Variants in TTC27 observed in about 807,000 individuals in gnomAD.
TTC27 encodes the protein tetratricopeptide repeat protein 27.
Under a neutral mutation model 115.9 loss-of-function variants are expected in TTC27, and 79 were observed. The observed-to-expected ratio is 0.68, with a 90% CI of 0.57 to 0.82. The LOEUF (loss-of-function observed/expected upper bound fraction) is 0.82, where lower values mean the gene tolerates loss of function less well. Among genes scored for constraint, TTC27 ranks in the 40% least tolerant of loss-of-function variants. The pLI, the probability that TTC27 is intolerant of heterozygous loss-of-function variation, is 0.00. For missense variants in TTC27, 1,054 were observed against 993.1 expected (o/e 1.06, Z -0.82); for synonymous variants, 401 against 356.0 (o/e 1.13, Z -1.42).
intron 10 of TTC27, among the ~76,000 whole-genome samples, chr2:32,710,235 C>G (rs1020462079): frequency 2.0e-5 from 3 of 151,958 alleles, no homozygotes; most frequent in African/African-American, 7.3e-5. Flanking sequence ...TAGTTTTGGC[C>G]TTCTTAATAG....
intron 5 of TTC27, among the ~76,000 whole-genome samples, chr2:32,651,467 C>T (rs1208933474): frequency 6.6e-6 from 1 of 152,206 alleles, no homozygotes; most frequent in Non-Finnish European, 1.5e-5. Context: ...CTGCCTCAGC[C>T]TCCTGAGTAG....
At chr2:32,809,020 A>G (rs1002508902) in intron 16 of TTC27, among the ~76,000 whole-genome samples, 1 of 152,224 alleles carries the variant, frequency 6.6e-6, no homozygotes, top group Non-Finnish European at 1.5e-5. Flanking sequence ...TGGGATTGTA[A>G]TGTGAATTTA....
At chr2:32,639,923 C>T (rs1385067247) in intron 3 of TTC27, among the ~76,000 whole-genome samples, 3 of 152,088 alleles carry the variant, frequency 2.0e-5, no homozygotes, top group Non-Finnish European at 4.4e-5. Flanking sequence ...CACTTGAGCC[C>T]GGGAGATGGA....
chr2:32,756,042 AC>A (rs1669221892), intron 12 of TTC27, among the ~76,000 whole-genome samples: 2 of 152,184 alleles, frequency 1.3e-5, no homozygotes, highest in Admixed American at 6.5e-5. Context: ...CTGTCTTCAA[AC>A]CCAACCAGAT....
chr2:32,702,769 T>A (rs1032708472), intron 9 of TTC27, 38 bp from the exon 10 acceptor site: 2 of 1,370,294 alleles, frequency 1.5e-6, no homozygotes, highest in Admixed American at 1.7e-5. Flanking sequence ...ACCTAGCTTA[T>A]CTCTTTTCTA....
In TTC27 at chr2:32,644,180, CAAAAAAAAAA is replaced by C. The variant is rs70938356; in HGVS notation, c.537+3783_537+3792del. On this transcript the variant is annotated intron_variant, in intron 4 of 19. Coordinates refer to ENST00000317907, the MANE Select transcript of TTC27 (RefSeq NM_017735.5). ...TGAGCAACACAGCGAGACTCTGTTT[CAAAAAAAAAA>C]AAAAAAAAAAAATTAGCCAGGCATG... Among the ~76,000 whole-genome samples the C allele has an allele frequency of 4.0e-5, 3 of 75,382 alleles. No homozygotes were observed. The Admixed American group carries it at 5.1e-4, about 13-fold the overall frequency. 49.5% of individuals were successfully genotyped at this position (75,382 alleles called of 152,430 possible).
intron 3 of TTC27, among the ~76,000 whole-genome samples, chr2:32,634,395 A>G (rs1260991389): frequency 6.6e-6 from 1 of 151,736 alleles, no homozygotes; most frequent in Admixed American, 6.6e-5. Flanking sequence ...ACTCAGGCTC[A>G]GGCGATCTTC....
chr2:32,818,906 A>G (rs1186918882), intron 19 of TTC27, among the ~76,000 whole-genome samples: 2 of 151,878 alleles, frequency 1.3e-5, no homozygotes, highest in Admixed American at 6.6e-5. Flanking sequence ...CACTTTTCCT[A>G]TTTATCTGCA....
intron 10 of TTC27, 134 bp downstream of exon 10, chr2:32,703,054 A>G (rs1024422826): frequency 4.5e-6 from 3 of 669,230 alleles, no homozygotes; most frequent in Non-Finnish European, 7.6e-6. Context: ...TTTAGAGAAT[A>G]AGTTCTATAA....
At chr2:32,718,271 C>G (rs569537521) in intron 10 of TTC27, among the ~76,000 whole-genome samples, 4 of 152,058 alleles carry the variant, frequency 2.6e-5, no homozygotes, top group Admixed American at 6.6e-5. Context: ...ATCTTCTGTG[C>G]CTCTTCTAAG....
Position 32,706,961 on chromosome 2 carries a change from G to A in TTC27, c.1233+4041G>A, listed in dbSNP as rs1267619691. Among the ~76,000 whole-genome samples the A allele has an allele frequency of 2.0e-5, 3 of 152,306 alleles. No homozygotes were observed. The East Asian group carries it at 5.8e-4, about 29-fold the overall frequency. On this transcript the variant is annotated intron_variant, in intron 10 of 19. Transcript: ENST00000317907. ...TGGAGAGGCCAGGTGACTAAGTTGT[G>A]AACAGTAGGATGTGGATGAAGTGAT...
chr2:32,706,077 CTTTTTT>C (rs148953090), intron 10 of TTC27, among the ~76,000 whole-genome samples: 9 of 53,234 alleles, frequency 1.7e-4, no homozygotes, highest in African/African-American at 4.5e-4. Context: ...TTACCTTACT[CTTTTTT>C]TTTTTTTTTT....
At chr2:32,767,372 C>A (rs1429835459) in intron 13 of TTC27, among the ~76,000 whole-genome samples, 11 of 150,106 alleles carry the variant, frequency 7.3e-5, no homozygotes, top group Non-Finnish European at 1.5e-4. Context: ...TATATTTTGT[C>A]TTGTTAAAAA....
intron 4 of TTC27, among the ~76,000 whole-genome samples, chr2:32,647,833 A>G (rs1219205216): frequency 6.6e-6 from 1 of 151,780 alleles, no homozygotes; most frequent in Non-Finnish European, 1.5e-5. Flanking sequence ...TGGACAGTGT[A>G]CTGAGACCCC....
In TTC27 at chr2:32,811,192, C is replaced by A. The variant is rs1671304977; in HGVS notation, c.2167C>A (p.Gln723Lys). Residue 723 changes from glutamine to lysine, a missense_variant, in exon 17 of 20, where the codon CAG (glutamine) becomes AAG (lysine). By Grantham distance (53) the Gln-to-Lys change is moderately conservative. Transcript: ENST00000317907. ...RLYAHVYGNGQSEKPDENEKA... is the reference protein window; with the variant it reads ...RLYAHVYGNGKSEKPDENEKA... Reference sequence around the variant, plus strand: ...GTATGCCCACGTATATGGAAATGGGCAGAGTGAAAAGCCTGATGAAAATGA... The same window carrying A: ...GTATGCCCACGTATATGGAAATGGGAAGAGTGAAAAGCCTGATGAAAATGA... 2 of 1,614,014 alleles carry A rather than the reference C, an allele frequency of 1.2e-6. No individual in the cohort carries two copies. Among genetic ancestry groups the A allele is most frequent in the African/African-American group, 1.3e-5 (1 of 75,016 alleles).
chr2:32,743,507 A>G (rs912904985), intron 12 of TTC27, among the ~76,000 whole-genome samples: 18 of 152,168 alleles, frequency 1.2e-4, no homozygotes, highest in Admixed American at 1.3e-4. Context: ...CAGAAAAACC[A>G]TATCATCATA....
chr2:32,690,493 C>T lies in TTC27; in HGVS notation c.1119+11571C>T, dbSNP rs576764303. On this transcript the variant is annotated intron_variant, in intron 9 of 19. Coordinates refer to ENST00000317907, the MANE Select transcript of TTC27 (RefSeq NM_017735.5). The stretch of plus-strand genomic sequence containing the variant: ...CACAGATAAAGATATCCTCTAGTTG[C>T]TAAGAAAGGAAGACAATATTTAGGA... Among the ~76,000 whole-genome samples the T allele has an allele frequency of 3.9e-5, 6 of 152,218 alleles. No homozygotes were observed. In the South Asian group the frequency reaches 1.2e-3, roughly 32 times the overall value.
chr2:32,663,186 GTTC>G lies in TTC27; in HGVS notation c.641-1115_641-1113del, dbSNP rs1665618624. Among the ~76,000 whole-genome samples the G allele has an allele frequency of 2.6e-5, 4 of 152,104 alleles. No homozygotes were observed. In the South Asian group the frequency reaches 8.3e-4, roughly 31 times the overall value. On this transcript the variant is annotated intron_variant, in intron 5 of 19. Coordinates refer to ENST00000317907, the MANE Select transcript of TTC27 (RefSeq NM_017735.5). Reference sequence around the variant, plus strand: ...AGGCCCCTTTCCAGGGGAGTGAATGGTTCTATCTTGCTGGTATTCCAGGAGCCA... The same window carrying G: ...AGGCCCCTTTCCAGGGGAGTGAATGGTATCTTGCTGGTATTCCAGGAGCCA...
chr2:32,762,371 A>G (rs1211789403), intron 13 of TTC27, among the ~76,000 whole-genome samples: 21 of 150,686 alleles, frequency 1.4e-4, no homozygotes. Context: ...TTTTTAGGGT[A>G]GAAGGAAGTA....
Sources: allele counts gnomAD v4.1 joint callset (sites outside exome capture counted in the v4.1 genomes callset), GRCh38; gene constraint gnomAD v4.1.1; transcripts MANE v1.5; gene names NCBI Gene and HGNC (gene_info 2026-07-23, HGNC 2026-07-21).